DSCAM: variants seen among roughly 807,000 people sequenced by gnomAD.
The protein encoded by DSCAM is cell adhesion molecule DSCAM.
Under a neutral mutation model 217.7 loss-of-function variants are expected in DSCAM, and 47 were observed. The observed-to-expected ratio is 0.22, with a 90% CI of 0.17 to 0.28. The LOEUF (loss-of-function observed/expected upper bound fraction) is 0.28, where lower values mean the gene tolerates loss of function less well. DSCAM is among the 10% of genes least tolerant of loss of function. The pLI is 1.00. For missense variants in DSCAM, 2,080 were observed against 2,618.3 expected (o/e 0.79, Z 4.49); for synonymous variants, 1,056 against 1,015.3 (o/e 1.04, Z -0.76).
intron 19 of DSCAM, among the ~76,000 whole-genome samples, chr21:40,132,876 A>G (rs1020179711): frequency 6.6e-6 from 1 of 152,200 alleles, no homozygotes; most frequent in African/African-American, 2.4e-5. Flanking sequence ...TGGGGGAGAT[A>G]GCATAGACAT....
chr21:40,603,786 C>A (rs2077080609), intron 3 of DSCAM, among the ~76,000 whole-genome samples: 2 of 152,052 alleles, frequency 1.3e-5, no homozygotes, highest in African/African-American at 4.8e-5. Context: ...TAGCTTGTGG[C>A]AAAAAGTCCA....
intron 30 of DSCAM, among the ~76,000 whole-genome samples, chr21:40,051,355 A>G (rs2088927580): frequency 6.6e-6 from 1 of 152,218 alleles, no homozygotes; most frequent in African/African-American, 2.4e-5. Flanking sequence ...TATGGATGCA[A>G]ATATTAATAA....
intron 1 of DSCAM, among the ~76,000 whole-genome samples, chr21:40,769,946 C>T (rs1262403201): frequency 6.6e-6 from 1 of 152,180 alleles, no homozygotes; most frequent in African/African-American, 2.4e-5. Flanking sequence ...TGGCTATAAA[C>T]TCCCATTTGT....
chr21:40,026,227 G>A (rs1372284560), intron 32 of DSCAM, among the ~76,000 whole-genome samples: 1 of 139,968 alleles, frequency 7.1e-6, no homozygotes, highest in African/African-American at 2.5e-5. Flanking sequence ...TTGACCTGTG[G>A]TCTGAGAGAC....
chr21:40,579,190 A>C (rs893011411), intron 3 of DSCAM, among the ~76,000 whole-genome samples: 10 of 152,108 alleles, frequency 6.6e-5, no homozygotes, highest in Admixed American at 2.6e-4. Context: ...GTTTTTTTGG[A>C]TCATCTGAAA....
intron 26 of DSCAM, among the ~76,000 whole-genome samples, chr21:40,077,897 T>C (rs2089390631): frequency 2.0e-5 from 3 of 152,162 alleles, no homozygotes; most frequent in Admixed American, 6.5e-5. Flanking sequence ...AGCACCTAAC[T>C]CAATCCTTGC....
intron 15 of DSCAM, among the ~76,000 whole-genome samples, chr21:40,173,514 G>A (rs376146216): frequency 1.2e-4 from 19 of 152,110 alleles, no homozygotes; most frequent in African/African-American, 4.3e-4. Flanking sequence ...GAGGCAGATC[G>A]CTGAGGGCCT....
chr21:40,153,034 T>A (rs983182525), intron 16 of DSCAM, among the ~76,000 whole-genome samples: 2 of 152,264 alleles, frequency 1.3e-5, no homozygotes, highest in African/African-American at 4.8e-5. Flanking sequence ...AACATTTTCT[T>A]TATAGATTCC....
chr21:40,401,935 G>T (rs2075237455), intron 3 of DSCAM, among the ~76,000 whole-genome samples: 1 of 151,308 alleles, frequency 6.6e-6, no homozygotes, highest in African/African-American at 2.4e-5. Flanking sequence ...ACTGAGCAGA[G>T]CAACACTGGA....
At chr21:40,498,684 TATATATATATATAG>T (rs1328172106) in intron 3 of DSCAM, among the ~76,000 whole-genome samples, 314 of 7,048 alleles carry the variant, frequency 0.045, 13 homozygotes, top group East Asian at 0.13. Context: ...TATATATATA[TATATATATATATAG>T]ATATATATAT....
intron 3 of DSCAM, among the ~76,000 whole-genome samples, chr21:40,564,935 G>C (rs893620043): frequency 2.4e-4 from 36 of 152,292 alleles, no homozygotes; most frequent in Middle Eastern, 3.4e-3. Flanking sequence ...GTGAGCACCT[G>C]GAGATTGGAA....
intron 1 of DSCAM, among the ~76,000 whole-genome samples, chr21:40,777,145 T>A (rs2091495208): frequency 6.6e-6 from 1 of 152,204 alleles, no homozygotes; most frequent in African/African-American, 2.4e-5. Context: ...TGCTCATAGT[T>A]GGCGCCTTCA....
intron 11 of DSCAM, among the ~76,000 whole-genome samples, chr21:40,263,102 T>C (rs1249328942): frequency 6.6e-6 from 1 of 152,184 alleles, no homozygotes; most frequent in East Asian, 1.9e-4. Flanking sequence ...TAAAAATTAA[T>C]AAAATATGTC....
intron 10 of DSCAM, among the ~76,000 whole-genome samples, chr21:40,287,996 TAG>T (rs1347201847): frequency 6.6e-6 from 1 of 151,988 alleles, no homozygotes; most frequent in Non-Finnish European, 1.5e-5. Context: ...CAGGAAGAAA[TAG>T]AGTCACACAC....
chr21:40,806,929 G>A (rs2091793059), intron 1 of DSCAM, among the ~76,000 whole-genome samples: 1 of 152,252 alleles, frequency 6.6e-6, no homozygotes, highest in East Asian at 1.9e-4. Flanking sequence ...ATGGACATGG[G>A]GAGGGGAACA....
intron 11 of DSCAM, among the ~76,000 whole-genome samples, chr21:40,259,658 A>ATCCTT (rs2073421523): frequency 3.3e-5 from 2 of 60,134 alleles, no homozygotes; most frequent in Non-Finnish European, 8.4e-5. Flanking sequence ...TGAGTCAGCC[A>ATCCTT]TTCTTTTTTT....
intron 3 of DSCAM, among the ~76,000 whole-genome samples, chr21:40,393,640 C>CT (rs1301500865): frequency 6.6e-6 from 1 of 152,104 alleles, no homozygotes; most frequent in Non-Finnish European, 1.5e-5. Context: ...GGATGAACAG[C>CT]TGAACACCAG....
In DSCAM at chr21:40,144,008, A is replaced by G. The variant is rs549927989; in HGVS notation, c.3259+483T>C. 5.7e-4 allele frequency among the ~76,000 whole-genome samples: 87 copies of G among 152,292 alleles called. No homozygotes were observed. The highest frequency in any genetic ancestry group is 2.0e-3 in the African/African-American group (82 of 41,552). On this transcript the variant is annotated intron_variant, in intron 17 of 32. Coordinates refer to ENST00000400454, the MANE Select transcript of DSCAM (RefSeq NM_001389.5). This position sits in a 1 kb window ranked among gnomAD's most constrained non-coding sequence, Gnocchi z 4.8. Reference sequence around the variant, plus strand: ...CAGTGACATGGTGGAAGGGCTAATTAATTTATCTCGGCCGCTAGGGGGCGA... The same window carrying G: ...CAGTGACATGGTGGAAGGGCTAATTGATTTATCTCGGCCGCTAGGGGGCGA...
chr21:40,375,767 G>A (rs917199982), intron 3 of DSCAM, among the ~76,000 whole-genome samples: 81 of 152,188 alleles, frequency 5.3e-4, no homozygotes, highest in African/African-American at 1.9e-3. Flanking sequence ...ATGGGTGGAT[G>A]AAACAGTCTA....
Sources: gnomAD v4.1 joint callset for allele counts (sites outside exome capture counted in the v4.1 genomes callset) on GRCh38, gnomAD v4.1.1 for gene constraint, Gnocchi (gnomAD v3.1) non-coding constraint, MANE v1.5 for transcripts, NCBI Gene and HGNC (gene_info 2026-07-23, HGNC 2026-07-21) for gene names.